The following NBAS variants were observed in gnomAD, a reference collection of about 807,000 sequenced individuals.
NBAS encodes NBAS subunit of NRZ tethering complex, also known as NAG/BC035112 fusion.
In NBAS, 219 loss-of-function variants were observed where a neutral mutation model predicts 302.5. The ratio of observed to expected loss-of-function variants is 0.72; its 90% CI spans 0.65 to 0.81. NBAS has a LOEUF of 0.81. Among genes scored for constraint, NBAS ranks in the 30% least tolerant of loss-of-function variants. The pLI is 0.00. For synonymous variants in NBAS, 1,118 were observed against 1,021.6 expected, an observed-to-expected ratio of 1.09 and a Z score of -1.80; for missense variants, 2,932 against 2,841.6, an observed-to-expected ratio of 1.03 and a Z score of -0.72.
At chr2:15,200,074 T>G (rs1342465608) in intron 48 of NBAS, among the ~76,000 whole-genome samples, 1 of 151,958 alleles carries the variant, frequency 6.6e-6, no homozygotes, top group Non-Finnish European at 1.5e-5. Context: ...GGCTAATTTT[T>G]TTATTGTAGA....
At chr2:15,358,143 CTGCA>C (rs1040831215) in intron 32 of NBAS, among the ~76,000 whole-genome samples, 75 of 152,246 alleles carry the variant, frequency 4.9e-4, no homozygotes, top group African/African-American at 1.7e-3. Context: ...TAACACCGAC[CTGCA>C]TACCCTACCA....
At chr2:14,882,083 C>A in the NBAS span, among the ~76,000 whole-genome samples, 73 of 152,120 alleles carry the variant, frequency 4.8e-4, no homozygotes, top group Non-Finnish European at 8.7e-4. Flanking sequence ...CTCTCCATTA[C>A]CCTAGCACTG....
At chr2:15,164,827 C>G (rs1204895329), downstream of NBAS, among the ~76,000 whole-genome samples, 1 of 152,170 alleles carries the variant, frequency 6.6e-6, no homozygotes, top group Non-Finnish European at 1.5e-5. Flanking sequence ...TTCTTTTTCT[C>G]TTCCCCCCTC....
At chr2:15,178,422 T>C (rs1184420185) in intron 51 of NBAS, among the ~76,000 whole-genome samples, 1 of 152,226 alleles carries the variant, frequency 6.6e-6, no homozygotes, top group Non-Finnish European at 1.5e-5. Flanking sequence ...AGAAAGTTTC[T>C]TCCTAATCAT....
chr2:15,232,441 G>A lies in NBAS; in HGVS notation c.6217C>T (p.His2073Tyr), dbSNP rs1327681141. 2 of 1,613,978 alleles carry A rather than the reference G, an allele frequency of 1.2e-6. No homozygotes were observed. Among genetic ancestry groups the A allele is most frequent in the Admixed American group, 3.3e-5 (2 of 60,010 alleles). Residue 2073 changes from histidine to tyrosine, a missense_variant, in exon 47 of 52, where the codon CAC becomes TAC. Physicochemically the swap from His to Tyr is moderately conservative, Grantham distance 83. Coordinates refer to ENST00000281513, the MANE Select transcript of NBAS (RefSeq NM_015909.4). The stretch of plus-strand genomic sequence containing the variant: ...TCTTACCCCTTGTCCACACTGGCGT[G>A]GACTGCTGCAACAACACCTTCCAGG... The part of the protein sequence containing the change: ...KVLEGVVAAV[H>Y]ASVDKGEELV...
chr2:15,309,019 T>C, intron 39 of NBAS, 152 bp downstream of exon 39: 1 of 320,084 alleles, frequency 3.1e-6, no homozygotes, highest in East Asian at 9.6e-5. Context: ...TAAAGTATAA[T>C]AATAAATACA....
the NBAS span, among the ~76,000 whole-genome samples, chr2:14,904,185 T>G: frequency 6.6e-6 from 1 of 152,190 alleles, no homozygotes; most frequent in East Asian, 1.9e-4. Context: ...AATGTACATA[T>G]GAAAGGGAGT....
chr2:15,342,933 T>G (rs1334161928), intron 35 of NBAS, among the ~76,000 whole-genome samples: 1 of 151,864 alleles, frequency 6.6e-6, no homozygotes, highest in Non-Finnish European at 1.5e-5. Context: ...GGTAAACTCC[T>G]GTTTGAGTAC....
chr2:15,467,398 C>T lies in NBAS; in HGVS notation c.2028G>A (p.Leu676=), dbSNP rs1455018386. 1.9e-6 allele frequency: 3 copies of T among 1,612,568 alleles called. No homozygotes were observed. Among genetic ancestry groups the T allele is most frequent in the South Asian group, 2.2e-5 (2 of 91,052 alleles). Residue 676 remains leucine, a synonymous_variant, in exon 19 of 52, where the codon CTG becomes CTA. Transcript: ENST00000281513. ...TACAACGGCAAAGTTCCTTTTGTTCCAGTGTCAACCTGTTTTGAATAACTA... is the reference window on the plus strand; with the variant it reads ...TACAACGGCAAAGTTCCTTTTGTTCTAGTGTCAACCTGTTTTGAATAACTA... The part of the protein sequence containing the change: ...LKLVNFSKLT[L]EQKELCRCRR...
intron 39 of NBAS, among the ~76,000 whole-genome samples, chr2:15,308,596 G>C (rs1671135167): frequency 6.6e-6 from 1 of 152,182 alleles, no homozygotes; most frequent in Non-Finnish European, 1.5e-5. Flanking sequence ...TGACTCTCTA[G>C]ATACTGACCA....
the NBAS span, among the ~76,000 whole-genome samples, chr2:14,819,837 C>CA: frequency 2.5e-3 from 373 of 152,076 alleles, no homozygotes; most frequent in African/African-American, 8.2e-3. Context: ...ATAATCCAAT[C>CA]AAAAAAATGG....
At chr2:14,832,640 G>A in the NBAS span, among the ~76,000 whole-genome samples, 3 of 152,156 alleles carry the variant, frequency 2.0e-5, no homozygotes, top group African/African-American at 2.4e-5. Flanking sequence ...CCTCTGAGGG[G>A]ATAGCCACTA....
chr2:15,374,509 T>A, intron 31 of NBAS, 99 bp downstream of exon 31: 1 of 1,017,436 alleles, frequency 9.8e-7, no homozygotes. Flanking sequence ...ATGGATTACA[T>A]GACCAAAGCT....
At chr2:15,175,853 A>G (rs929127367) in intron 51 of NBAS, among the ~76,000 whole-genome samples, 2 of 152,266 alleles carry the variant, frequency 1.3e-5, no homozygotes, top group Admixed American at 6.5e-5. Context: ...AAACACCTAT[A>G]AAGCTGTCAG....
intron 40 of NBAS, among the ~76,000 whole-genome samples, chr2:15,305,882 G>A (rs1216060716): frequency 6.6e-6 from 1 of 152,190 alleles, no homozygotes; most frequent in Admixed American, 6.5e-5. Context: ...ATGGAAGAGT[G>A]AGATCTAATT....
intron 25 of NBAS, among the ~76,000 whole-genome samples, chr2:15,402,651 A>G (rs768302985): frequency 2.6e-5 from 4 of 152,304 alleles, no homozygotes; most frequent in Non-Finnish European, 4.4e-5. Flanking sequence ...TATGTGTTTC[A>G]GTTACAAAGT....
the NBAS span, among the ~76,000 whole-genome samples, chr2:15,116,110 A>T: frequency 5.0e-3 from 760 of 152,246 alleles, 4 homozygotes; most frequent in African/African-American, 0.017. Context: ...AACCAACTCA[A>T]TTCTCCTTGG....
the NBAS span, among the ~76,000 whole-genome samples, chr2:14,913,148 T>C: frequency 6.6e-6 from 1 of 152,232 alleles, no homozygotes; most frequent in Non-Finnish European, 1.5e-5. Context: ...AAATATTTAT[T>C]GAATGCCTTC....
At chr2:15,031,505 C>A in the NBAS span, among the ~76,000 whole-genome samples, 1 of 152,148 alleles carries the variant, frequency 6.6e-6, no homozygotes, top group Non-Finnish European at 1.5e-5. Context: ...AGACCCCTAG[C>A]AAACTACCCA....
Sources: gnomAD v4.1 joint callset for allele counts (sites outside exome capture counted in the v4.1 genomes callset) on GRCh38, gnomAD v4.1.1 for gene constraint, MANE v1.5 for transcripts, NCBI Gene and HGNC (gene_info 2026-07-23, HGNC 2026-07-21) for gene names.